Variants in KRT6A observed in about 807,000 individuals in gnomAD.
KRT6A encodes the protein keratin, type II cytoskeletal 6A.
KRT6A carries 28 observed loss-of-function variants against 48.6 expected under a neutral mutation model. The ratio of observed to expected loss-of-function variants is 0.58; its 90% confidence interval spans 0.43 to 0.79. The LOEUF (loss-of-function observed/expected upper bound fraction) is 0.79, where lower values mean the gene tolerates loss of function less well. KRT6A is among the 30% of genes least tolerant of loss of function. KRT6A has a pLI of 0.00. For missense variants in KRT6A, 687 were observed against 724.3 expected (o/e 0.95, Z 0.59); for synonymous variants, 301 against 294.2 (o/e 1.02, Z -0.24).
At position 52,487,848 on chromosome 12, in the gene KRT6A, C is replaced by T. The variant is rs62617088; in HGVS notation, c.1567G>A (p.Val523Ile). The change falls in exon 9 of 9, where the codon GTT becomes ATT. Residue 523 changes from valine (V) to isoleucine (I), a missense_variant. Coordinates refer to ENST00000330722, the MANE Select transcript of KRT6A (RefSeq NM_005554.4). ...CTGCTGGAACTGAAGCCACCTCCAA[C>T]GCCAAGACCACTGCCATAGGAGTAG... ...SSYSYGSGLG[V>I]GGGFSSSSGR... is the part of the protein sequence containing the mutation. The T allele has an allele frequency of 7.6e-4, 1,233 of 1,613,996 alleles. 2 individuals carry two copies. Among genetic ancestry groups the T allele is most frequent in the African/African-American group, 4.2e-3 (318 of 75,032 alleles).
intron 8 of KRT6A, 25 bp from the exon 9 acceptor site, chr12:52,487,980 A>G: frequency 1.9e-6 from 3 of 1,614,178 alleles, no homozygotes; most frequent in Non-Finnish European, 1.7e-6. Context: ...GGACAAGGAC[A>G]CAAGAAGCCA....
At chr12:52,491,403 G>A (rs1938259106) in intron 2 of KRT6A, 119 bp downstream of exon 2, 1 of 1,396,556 alleles carries the variant, frequency 7.2e-7, no homozygotes, top group Non-Finnish European at 1.0e-6. Context: ...ACTAATTTGT[G>A]CTCTTCATTT....
intron 6 of KRT6A, among the ~76,000 whole-genome samples, chr12:52,489,137 G>A (rs1197731340): frequency 1.3e-5 from 2 of 152,146 alleles, no homozygotes; most frequent in African/African-American, 2.4e-5. Flanking sequence ...TTCCAAGTCA[G>A]TCTTCCTATG....
chr12:52,490,751 A>T lies in KRT6A; in HGVS notation c.913-18T>A, dbSNP rs1224403954. On this transcript the variant is annotated intron_variant, in intron 4 of 8. Coordinates refer to ENST00000330722, the MANE Select transcript of KRT6A (RefSeq NM_005554.4). Reference sequence around the variant, plus strand: ...GACAGCTCCTGCAGAACAGAAGGTCATAAGATCAACTTCACTTCCGATATT... The same window carrying T: ...GACAGCTCCTGCAGAACAGAAGGTCTTAAGATCAACTTCACTTCCGATATT... 6.2e-7 allele frequency: 1 copy of T among 1,614,178 alleles called. No homozygotes were observed. Among genetic ancestry groups the T allele is most frequent in the South Asian group, 1.1e-5 (1 of 91,080 alleles).
At position 52,490,774 on chromosome 12, in the gene KRT6A, A is replaced by G. The variant is rs1375779403; in HGVS notation, c.913-41T>C. 6 of 1,613,974 alleles carry G rather than the reference A, an allele frequency of 3.7e-6. No homozygotes were observed. The Admixed American group carries it at 1.0e-4, about 27-fold the overall frequency. ...TCATAAGATCAACTTCACTTCCGAT[A>G]TTTACAGAGATACCCAACCCTATAC... On this transcript the variant is annotated intron_variant, in intron 4 of 8. Transcript: ENST00000330722.
chr12:52,487,924 A>G lies in KRT6A; in HGVS notation c.1491T>C (p.Tyr497=), dbSNP rs768509690. The G allele has an allele frequency of 1.2e-6, 2 of 1,614,146 alleles. No homozygotes were observed. Among genetic ancestry groups the G allele is most frequent in the South Asian group, 1.1e-5 (1 of 91,088 alleles). The change falls in exon 9 of 9, where the codon TAT becomes TAC. Residue 497 remains tyrosine, a synonymous_variant. Transcript: ENST00000330722. The stretch of plus-strand genomic sequence containing the variant: ...CACTGCCGACACCACTGGCACCGCC[A>G]TAGCCACTGGAGACGGTGGACTGCA... ...SVVQSTVSSG[Y]GGASGVGSGL...
chr12:52,489,898 A>G (rs761211954), intron 6 of KRT6A, 45 bp downstream of exon 6: 1 of 1,613,896 alleles, frequency 6.2e-7, no homozygotes, highest in Non-Finnish European at 8.5e-7. Context: ...CTGCCTGACG[A>G]CCTGACAAGG....
rs1327103180 is a variant in KRT6A at position 52,490,082 on chromosome 12, G to A, written c.1078-14C>T. On this transcript the variant is annotated splice_polypyrimidine_tract_variant and intron_variant, in intron 5 of 8. Transcript: ENST00000330722. ...CAGCTCCTCGTACTGCAGCCCAGAG[G>A]TGGAGAGAGAGACAGTGTCTACGGG... 7.4e-6 allele frequency: 12 copies of A among 1,613,958 alleles called. No homozygotes were observed. Among genetic ancestry groups the A allele is most frequent in the Non-Finnish European group, 1.0e-5 (12 of 1,179,948 alleles).
intron 4 of KRT6A, 59 bp from the exon 5 acceptor site, chr12:52,490,792 C>T (rs1938246321): frequency 5.0e-6 from 8 of 1,614,066 alleles, no homozygotes; most frequent in Non-Finnish European, 6.8e-6. Flanking sequence ...AGATACCCAA[C>T]CCTATACATC....
In KRT6A at chr12:52,487,944, A is replaced by G; in HGVS notation, c.1471T>C (p.Ser491Pro). 6.2e-7 allele frequency: 1 copy of G among 1,614,160 alleles called. No homozygotes were observed. The highest frequency in any genetic ancestry group is 2.2e-5 in the East Asian group (1 of 44,868). ...CCGCCATAGCCACTGGAGACGGTGG[A>G]CTGCACCACAGCTGTGATGGGGAGG... ...VGQVNISVVQ[S>P]TVSSGYGGAS... The change falls in exon 9 of 9, where the codon TCC becomes CCC. Residue 491 changes from serine to proline, a missense_variant. Transcript: ENST00000330722.
At chr12:52,488,283 T>G in intron 7 of KRT6A, 45 bp downstream of exon 7, 2 of 1,614,032 alleles carry the variant, frequency 1.2e-6, no homozygotes, top group Non-Finnish European at 1.7e-6. Context: ...CCAGGAACCT[T>G]GAAGATGGAC....
chr12:52,490,047 C>T lies in KRT6A; in HGVS notation c.1099G>A (p.Ala367Thr), dbSNP rs754754199. The change falls in exon 6 of 9, where the codon GCA becomes ACA. Residue 367 changes from alanine to threonine, a missense_variant. Physicochemically the swap from Ala to Thr is moderately conservative, Grantham distance 58. This residue lies in a region of KRT6A where 566 missense variants were observed against 565.3 expected (regional missense o/e 1.00). Transcript: ENST00000330722. ...QTKYEELQVT[A>T]GRHGDDLRNT... is the part of the protein sequence containing the mutation. ...CGCAGGTCGTCCCCATGTCTGCCTGCTGTGACCTGCAGCTCCTCGTACTGC... is the reference window on the plus strand; with the variant it reads ...CGCAGGTCGTCCCCATGTCTGCCTGTTGTGACCTGCAGCTCCTCGTACTGC... The T allele has an allele frequency of 3.7e-6, 6 of 1,614,082 alleles. No homozygotes were observed. The highest frequency in any genetic ancestry group is 1.6e-4 in the Middle Eastern group (1 of 6,062).
Position 52,487,630 on chromosome 12 carries a change from A to C in KRT6A, c.*90T>G. 6.6e-7 allele frequency: 1 copy of C among 1,526,066 alleles called. No individual in the cohort carries two copies. Among genetic ancestry groups the C allele is most frequent in the East Asian group, 2.3e-5 (1 of 44,180 alleles). The allele number at this position is 1,526,066 out of a possible 1,614,324, so 94.5% of individuals were successfully genotyped here. The stretch of plus-strand genomic sequence containing the variant: ...TACCTGGGACAGCAGGGGAGACTGG[A>C]GGCCAGGAGAGGAAAGGCAACCTGA... On this transcript the variant is annotated 3_prime_UTR_variant, in exon 9 of 9. Coordinates refer to ENST00000330722, the MANE Select transcript of KRT6A (RefSeq NM_005554.4).
In KRT6A at chr12:52,490,905, C is replaced by G; in HGVS notation, c.865G>C (p.Asp289His). The change falls in exon 4 of 9, where the codon GAC becomes CAC. Residue 289 changes from aspartate (D) to histidine (H), a missense_variant. Coordinates refer to ENST00000330722, the MANE Select transcript of KRT6A (RefSeq NM_005554.4). Reference sequence around the variant, plus strand: ...AAGTTGATCTCGTCTGTGAGAGTGTCTGCCTTGGCTTGCAGTTCAACCTTG... The same window carrying G: ...AAGTTGATCTCGTCTGTGAGAGTGTGTGCCTTGGCTTGCAGTTCAACCTTG... ...MNKVELQAKA[D>H]TLTDEINFLR... The G allele has an allele frequency of 6.2e-7, 1 of 1,614,020 alleles. No homozygotes were observed. The highest frequency in any genetic ancestry group is 1.1e-5 in the South Asian group (1 of 91,074).
At chr12:52,492,243 CT>C (rs57909881) in intron 1 of KRT6A, among the ~76,000 whole-genome samples, 91 of 152,016 alleles carry the variant, frequency 6.0e-4, no homozygotes, top group African/African-American at 9.4e-4. Context: ...CGTTTTAAGT[CT>C]TTTTTTTCTT....
chr12:52,491,202 G>A, intron 2 of KRT6A, 30 bp from the exon 3 acceptor site: 1 of 1,613,614 alleles, frequency 6.2e-7, no homozygotes, highest in Non-Finnish European at 8.5e-7. Context: ...GGACACATTT[G>A]AGCCAGTGGG....
chr12:52,487,945 C>T lies in KRT6A; in HGVS notation c.1470G>A (p.Gln490=). The change falls in exon 9 of 9, where the codon CAG becomes CAA. Residue 490 remains glutamine (Q), a synonymous_variant. Transcript: ENST00000330722. Reference sequence around the variant, plus strand: ...CGCCATAGCCACTGGAGACGGTGGACTGCACCACAGCTGTGATGGGGAGGG... The same window carrying T: ...CGCCATAGCCACTGGAGACGGTGGATTGCACCACAGCTGTGATGGGGAGGG... ...GVGQVNISVV[Q]STVSSGYGGA... 6.2e-7 allele frequency: 1 copy of T among 1,614,168 alleles called. No homozygotes were observed. The highest frequency in any genetic ancestry group is 8.5e-7 in the Non-Finnish European group (1 of 1,179,998).
At position 52,487,557 on chromosome 12, in the gene KRT6A, T is replaced by TAGAG; in HGVS notation, c.*159_*162dup. ...GTGAGCAATGGGTGCTCAGATGGTA[T>TAGAG]AGAGAGAGAGAGAAGAAGTGAGGGC... is the stretch of plus-strand genomic sequence containing the variant. On this transcript the variant is annotated 3_prime_UTR_variant, in exon 9 of 9. Coordinates refer to ENST00000330722, the MANE Select transcript of KRT6A (RefSeq NM_005554.4). The TAGAG allele has an allele frequency of 1.3e-6, 1 of 777,054 alleles. No individual in the cohort carries two copies. Among genetic ancestry groups the TAGAG allele is most frequent in the Non-Finnish European group, 2.1e-6 (1 of 478,756 alleles). 48.1% of individuals were successfully genotyped at this position (777,054 alleles called of 1,614,324 possible). A position where few individuals can be genotyped will look rare whatever the true frequency, so the allele number is the denominator to read the frequency against.
chr12:52,490,721 T>A lies in KRT6A; in HGVS notation c.925A>T (p.Met309Leu). 6.2e-7 allele frequency: 1 copy of A among 1,614,248 alleles called. No individual in the cohort carries two copies. Among genetic ancestry groups the A allele is most frequent in the Non-Finnish European group, 8.5e-7 (1 of 1,180,050 alleles). The change falls in exon 5 of 9, where the codon ATG (methionine) becomes TTG (leucine). Residue 309 changes from methionine to leucine, a missense_variant. Physicochemically the swap from Met to Leu is conservative, Grantham distance 15 (BLOSUM62 2). This residue lies in a region of KRT6A where 566 missense variants were observed against 565.3 expected (regional missense o/e 1.00). Transcript: ENST00000330722. The stretch of plus-strand genomic sequence containing the variant: ...GATGTGTCTGAGATGTGGGTCTGCA[T>A]CTGGGACAGCTCCTGCAGAACAGAA... Reference protein sequence around the residue: ...RALYDAELSQMQTHISDTSVV... With the variant: ...RALYDAELSQLQTHISDTSVV...
Sources: gnomAD v4.1 joint callset for allele counts (sites outside exome capture counted in the v4.1 genomes callset) on GRCh38, gnomAD v4.1.1 for gene constraint, gnomAD v4.1.1 regional missense constraint, MANE v1.5 for transcripts, NCBI Gene and HGNC (gene_info 2026-07-23, HGNC 2026-07-21) for gene names.